SLC9C1: variants seen among roughly 807,000 people sequenced by gnomAD.
The protein encoded by SLC9C1 is sodium/hydrogen exchanger 10.
In SLC9C1, 97 loss-of-function variants were observed where a neutral mutation model predicts 140.9. The ratio of observed to expected loss-of-function variants is 0.69; its 90% CI spans 0.58 to 0.82. SLC9C1 has a LOEUF of 0.82. Ranked by LOEUF, SLC9C1 falls within the 40% of genes least tolerant of loss-of-function variation. The pLI, the probability that SLC9C1 is intolerant of heterozygous loss-of-function variation, is 0.00. For synonymous variants in SLC9C1, 440 were observed against 442.6 expected (o/e 0.99, Z 0.07); for missense variants, 1,340 against 1,389.3 (o/e 0.96, Z 0.56).
At chr3:112,149,578 G>C (rs1018019619) in intron 28 of SLC9C1, among the ~76,000 whole-genome samples, 1 of 152,132 alleles carries the variant, frequency 6.6e-6, no homozygotes, top group South Asian at 2.1e-4. Context: ...GGAGCAGAGA[G>C]AGCCCTGCTG....
intron 18 of SLC9C1, among the ~76,000 whole-genome samples, chr3:112,201,945 C>A (rs990222294): frequency 6.6e-6 from 1 of 151,968 alleles, no homozygotes; most frequent in African/African-American, 2.4e-5. Flanking sequence ...ATTTTACACA[C>A]CCATAGCCTG....
rs767597672 is a variant in SLC9C1, at chr3:112,243,982, T to C, written c.1279+13A>G. ...TTTTTCTCTCCACAGGAATAGTAAC[T>C]GTTAGGGCTTACCTAGTATAGTAAC... On this transcript the variant is annotated intron_variant, in intron 11 of 28. Transcript: ENST00000305815. 3.2e-6 allele frequency: 5 copies of C among 1,548,602 alleles called. No homozygotes were observed. The highest frequency in any genetic ancestry group is 1.2e-5 in the South Asian group (1 of 84,230).
chr3:112,220,415 AGAT>A (rs2078508030), intron 14 of SLC9C1, among the ~76,000 whole-genome samples: 1 of 152,182 alleles, frequency 6.6e-6, no homozygotes, highest in African/African-American at 2.4e-5. Flanking sequence ...TTTGCTCATG[AGAT>A]GATGGACCAG....
intron 20 of SLC9C1, among the ~76,000 whole-genome samples, chr3:112,190,091 G>A (rs933156756): frequency 4.6e-5 from 7 of 152,134 alleles, no homozygotes; most frequent in Non-Finnish European, 8.8e-5. Context: ...TTTGTATCCC[G>A]AGACTTTGCT....
intron 23 of SLC9C1, among the ~76,000 whole-genome samples, chr3:112,176,464 C>T (rs2077338519): frequency 6.6e-6 from 1 of 152,172 alleles, no homozygotes. Context: ...TCTCCAGAAT[C>T]GATTTTTAAC....
At position 112,275,038 on chromosome 3, in the gene SLC9C1, A is replaced by AG; in HGVS notation, c.485-14dup. 3.2e-6 allele frequency: 5 copies of AG among 1,543,990 alleles called. No individual in the cohort carries two copies. Among genetic ancestry groups the AG allele is most frequent in the Admixed American group, 2.4e-5 (1 of 41,758 alleles). ...CTTCTAGAAAGCCCTACATATGTTG[A>AG]GGGGGAAAGATGTTTTTTAAAGTGA... is the stretch of plus-strand genomic sequence containing the variant. On this transcript the variant is annotated splice_polypyrimidine_tract_variant and intron_variant, in intron 5 of 28. Transcript: ENST00000305815.
chr3:112,175,950 G>T (rs2077328746), intron 23 of SLC9C1, among the ~76,000 whole-genome samples: 1 of 152,164 alleles, frequency 6.6e-6, no homozygotes, highest in Admixed American at 6.5e-5. Flanking sequence ...CCACGGTCCT[G>T]CAGACCATCA....
At position 112,155,008 on chromosome 3, in the gene SLC9C1, T is replaced by G. The variant is rs758813597; in HGVS notation, c.3406A>C (p.Asn1136His). ...TLEEGIQEER[N>H]VKEDGAHSAA... ...TGCTTTAAATTTACCTCCTTAACATTTCTTTCTTCTTGAATGCCTTCTTCC... is the reference window on the plus strand; with the variant it reads ...TGCTTTAAATTTACCTCCTTAACATGTCTTTCTTCTTGAATGCCTTCTTCC... The change falls in exon 27 of 29, where the codon AAT becomes CAT. Residue 1136 changes from asparagine (N) to histidine (H), a missense_variant. Asn to His is a moderately conservative substitution (Grantham distance 68). Transcript: ENST00000305815. The G allele has an allele frequency of 2.5e-6, 4 of 1,611,422 alleles. No homozygotes were observed. Among genetic ancestry groups the G allele is most frequent in the African/African-American group, 1.3e-5 (1 of 74,816 alleles).
intron 13 of SLC9C1, among the ~76,000 whole-genome samples, chr3:112,230,981 T>G (rs1180041377): frequency 2.0e-5 from 3 of 152,178 alleles, no homozygotes; most frequent in Non-Finnish European, 4.4e-5. Context: ...CAGAACTGAT[T>G]GCCTAACACA....
chr3:112,179,003 A>G (rs982266250), intron 23 of SLC9C1, among the ~76,000 whole-genome samples: 16 of 152,206 alleles, frequency 1.1e-4, no homozygotes, highest in African/African-American at 3.9e-4. Context: ...CCTCAGTAGA[A>G]ATTTTAAAAA....
chr3:112,256,791 A>G (rs1489031613), intron 10 of SLC9C1, among the ~76,000 whole-genome samples: 1 of 152,160 alleles, frequency 6.6e-6, no homozygotes. Flanking sequence ...TTTGCAGATG[A>G]CATGATTCTG....
intron 11 of SLC9C1, among the ~76,000 whole-genome samples, chr3:112,243,588 C>G (rs992145750): frequency 6.6e-6 from 1 of 152,114 alleles, no homozygotes; most frequent in Non-Finnish European, 1.5e-5. Context: ...GTACCTCAAA[C>G]CTCAGCATCA....
chr3:112,215,896 A>G (rs1300934203), intron 15 of SLC9C1, among the ~76,000 whole-genome samples: 2 of 152,242 alleles, frequency 1.3e-5, no homozygotes, highest in Non-Finnish European at 2.9e-5. Context: ...CCACATTGCT[A>G]AGTCAATCAT....
intron 6 of SLC9C1, among the ~76,000 whole-genome samples, chr3:112,270,574 G>A (rs1007629515): frequency 1.3e-5 from 2 of 152,172 alleles, no homozygotes; most frequent in African/African-American, 2.4e-5. Context: ...ACAATCCCTC[G>A]GGAGGCCGAG....
At chr3:112,285,320 C>T (rs997726742) in intron 2 of SLC9C1, among the ~76,000 whole-genome samples, 22 of 152,164 alleles carry the variant, frequency 1.4e-4, no homozygotes, top group Non-Finnish European at 2.6e-4. Flanking sequence ...CTCACTGCAA[C>T]CTTCGCCTCC....
At chr3:112,169,506 T>C (rs2077206491) in intron 23 of SLC9C1, among the ~76,000 whole-genome samples, 178 bp from the exon 24 acceptor site, 1 of 152,202 alleles carries the variant, frequency 6.6e-6, no homozygotes, top group African/African-American at 2.4e-5. Flanking sequence ...CCTTTCCCTA[T>C]GTTGTTGTTG....
chr3:112,232,161 C>G (rs563495297), intron 12 of SLC9C1, among the ~76,000 whole-genome samples: 1 of 152,206 alleles, frequency 6.6e-6, no homozygotes, highest in South Asian at 2.1e-4. Flanking sequence ...TATAATATCC[C>G]TCATGTTTGC....
In SLC9C1 at chr3:112,213,441, T is replaced by C. The variant is rs201652753; in HGVS notation, c.1790+4001A>G. On this transcript the variant is annotated intron_variant, in intron 15 of 28. Transcript: ENST00000305815. The stretch of plus-strand genomic sequence containing the variant: ...TGGATAAAGAGTCAAGACCCATCAG[T>C]GTTCTGTATTCAGGGGACCCATCTC... 4.9e-4 allele frequency among the ~76,000 whole-genome samples: 75 copies of C among 152,192 alleles called. 1 individual carries two copies. The East Asian group carries it at 9.6e-3, about 20-fold the overall frequency.
intron 14 of SLC9C1, among the ~76,000 whole-genome samples, chr3:112,220,615 G>C (rs4538347): frequency 0.76 from 114,888 of 152,140 alleles, 43,795 homozygotes; most frequent in East Asian, 0.99. Flanking sequence ...GGGATGATCT[G>C]AGGGTACCCC....
Sources: allele counts gnomAD v4.1 joint callset (sites outside exome capture counted in the v4.1 genomes callset), GRCh38; gene constraint gnomAD v4.1.1; transcripts MANE v1.5; gene names NCBI Gene and HGNC (gene_info 2026-07-23, HGNC 2026-07-21).